IQSEC1: variants seen among roughly 807,000 people sequenced by gnomAD.
IQSEC1 encodes the protein IQ motif and Sec7 domain ArfGEF 1.
A neutral mutation model predicts 91.0 loss-of-function variants in IQSEC1; 31 were observed. The ratio of observed to expected loss-of-function variants is 0.34; its 90% CI spans 0.26 to 0.46. IQSEC1 has a LOEUF of 0.46. Ranked by LOEUF, IQSEC1 falls within the 20% of genes least tolerant of loss-of-function variation. The pLI, the probability that IQSEC1 is intolerant of heterozygous loss-of-function variation, is 1.00. For missense variants in IQSEC1, 1,388 were observed against 1,575.6 expected (o/e 0.88, Z 2.02); for synonymous variants, 699 against 662.6 (o/e 1.05, Z -0.84).
chr3:13,124,698 T>C lies in IQSEC1; in HGVS notation c.302+39406A>G, dbSNP rs9840450. On this transcript the variant is annotated intron_variant, in intron 2 of 15. Transcript: ENST00000648114. ...GGCGGGACTGTCATTATTCGTGGTG[T>C]ACTTGGCTCGGGGGCCCCGCCCATC... Among the ~76,000 whole-genome samples, 524 of 152,232 alleles carry C rather than the reference T, an allele frequency of 3.4e-3. 3 individuals are homozygous for C. The highest frequency in any genetic ancestry group is 0.012 in the African/African-American group (497 of 41,562).
chr3:13,060,669 T>C (rs1484704740), intron 1 of IQSEC1, among the ~76,000 whole-genome samples: 1 of 152,148 alleles, frequency 6.6e-6, no homozygotes, highest in African/African-American at 2.4e-5. Flanking sequence ...CCACAGCTGC[T>C]GGGGCAGGGT....
intron 1 of IQSEC1, among the ~76,000 whole-genome samples, chr3:13,235,204 G>A (rs1694907296): frequency 6.6e-6 from 1 of 152,190 alleles, no homozygotes; most frequent in Non-Finnish European, 1.5e-5. Flanking sequence ...ACAGAGAGGG[G>A]GCCTGGTGGG....
intron 1 of IQSEC1, among the ~76,000 whole-genome samples, chr3:13,043,027 A>G (rs1576206975): frequency 6.6e-6 from 1 of 152,188 alleles, no homozygotes; most frequent in Non-Finnish European, 1.5e-5. Flanking sequence ...AGGCAGGCGA[A>G]GGAAGACTGA....
intron 4 of IQSEC1, among the ~76,000 whole-genome samples, chr3:12,923,373 T>C (rs1348893070): frequency 6.6e-6 from 1 of 152,090 alleles, no homozygotes; most frequent in Non-Finnish European, 1.5e-5. Context: ...CCCTGGACCT[T>C]TCCTCACGCC....
chr3:13,233,004 G>A (rs1361634952), intron 1 of IQSEC1, among the ~76,000 whole-genome samples: 1 of 152,214 alleles, frequency 6.6e-6, no homozygotes, highest in Non-Finnish European at 1.5e-5. Context: ...ATGTTTAATG[G>A]AGGCAGAGTT....
At chr3:13,010,340 G>C (rs933990066) in intron 1 of IQSEC1, among the ~76,000 whole-genome samples, 1 of 152,216 alleles carries the variant, frequency 6.6e-6, no homozygotes, top group Admixed American at 6.5e-5. Context: ...ACCTCCAGGG[G>C]TGAATGCAGT....
intron 1 of IQSEC1, among the ~76,000 whole-genome samples, chr3:12,950,299 T>C (rs1162871244): frequency 6.6e-6 from 1 of 152,190 alleles, no homozygotes; most frequent in Non-Finnish European, 1.5e-5. Context: ...CCCCAAGAGT[T>C]AGCCTGGCCC....
In IQSEC1 at chr3:13,159,622, A is replaced by G. The variant is rs66617193; in HGVS notation, c.302+4482T>C. The stretch of plus-strand genomic sequence containing the variant: ...AAGCTGTTTTGTACTTCTCAGCCTC[A>G]ATTTCCCAGAGCTGAAAAAATAAGG... On this transcript the variant is annotated intron_variant, in intron 2 of 15. Coordinates refer to the IQSEC1 transcript ENST00000648114. Among the ~76,000 whole-genome samples the G allele has an allele frequency of 3.8e-3, 578 of 151,242 alleles. 6 individuals carry two copies. The highest frequency in any genetic ancestry group is 0.013 in the African/African-American group (547 of 40,906).
chr3:13,068,205 C>A (rs533234439), intron 1 of IQSEC1, among the ~76,000 whole-genome samples: 46 of 152,360 alleles, frequency 3.0e-4, no homozygotes, highest in African/African-American at 1.0e-3. Context: ...ATGTGGATGT[C>A]GGACCTGTCC....
At chr3:13,225,317 T>C (rs958018606) in intron 1 of IQSEC1, among the ~76,000 whole-genome samples, 23 of 152,236 alleles carry the variant, frequency 1.5e-4, no homozygotes, top group Admixed American at 1.2e-3. Flanking sequence ...CAATGGTACT[T>C]CGGATAACAC....
intron 1 of IQSEC1, among the ~76,000 whole-genome samples, chr3:12,948,495 G>A (rs762128891): frequency 2.0e-5 from 3 of 152,200 alleles, no homozygotes; most frequent in Non-Finnish European, 4.4e-5. Context: ...TCCAACCCCA[G>A]CCCCTCAGCC....
chr3:13,024,617 T>C (rs114801781), intron 1 of IQSEC1, among the ~76,000 whole-genome samples: 3,082 of 148,942 alleles, frequency 0.021, 38 homozygotes, highest in Non-Finnish European at 0.028. Flanking sequence ...TCCACCCATC[T>C]GTCCATCATC....
At chr3:13,099,711 G>A (rs866715784) in intron 2 of IQSEC1, among the ~76,000 whole-genome samples, 2 of 152,150 alleles carry the variant, frequency 1.3e-5, no homozygotes, top group Non-Finnish European at 2.9e-5. Flanking sequence ...CCTACTCCCC[G>A]CCAACCCGGG....
intron 2 of IQSEC1, among the ~76,000 whole-genome samples, chr3:13,116,446 T>C (rs553482383): frequency 6.6e-6 from 1 of 152,214 alleles, no homozygotes; most frequent in Non-Finnish European, 1.5e-5. Flanking sequence ...AGCCCAGAAA[T>C]AAACCCTCGC....
At chr3:13,169,483 G>C (rs530876224) in intron 1 of IQSEC1, among the ~76,000 whole-genome samples, 1 of 152,350 alleles carries the variant, frequency 6.6e-6, no homozygotes, top group Admixed American at 6.5e-5. Flanking sequence ...AAATGTGGAA[G>C]CGACTTTGGA....
At chr3:13,201,182 C>T (rs543611349) in intron 1 of IQSEC1, among the ~76,000 whole-genome samples, 1 of 152,276 alleles carries the variant, frequency 6.6e-6, no homozygotes, top group South Asian at 2.1e-4. Flanking sequence ...TCCCTCAAGG[C>T]CACATGGCCA....
intron 2 of IQSEC1, among the ~76,000 whole-genome samples, chr3:13,142,927 T>G (rs1427063761): frequency 2.6e-5 from 4 of 152,216 alleles, no homozygotes; most frequent in African/African-American, 9.6e-5. Context: ...CAGCTGCCCC[T>G]GCCTGGGACA....
At chr3:13,083,341 A>C (rs1029782850) in intron 2 of IQSEC1, among the ~76,000 whole-genome samples, 1 of 152,178 alleles carries the variant, frequency 6.6e-6, no homozygotes, top group Non-Finnish European at 1.5e-5. Flanking sequence ...CTGGTCCTTC[A>C]CCCACTGAGA....
chr3:13,051,096 C>T (rs1270464773), intron 1 of IQSEC1, among the ~76,000 whole-genome samples: 5 of 152,156 alleles, frequency 3.3e-5, no homozygotes, highest in African/African-American at 7.2e-5. Context: ...AGAGCTGCAT[C>T]GCTTCCCCTG....
Sources: gnomAD v4.1 joint callset for allele counts (sites outside exome capture counted in the v4.1 genomes callset) on GRCh38, gnomAD v4.1.1 for gene constraint, MANE v1.5 for transcripts, NCBI Gene and HGNC (gene_info 2026-07-23, HGNC 2026-07-21) for gene names.